AKR1C8: variants seen among roughly 807,000 people sequenced by gnomAD.
AKR1C8 encodes aldo-keto reductase family 1 member C-like protein 1.
chr10:5,138,376 T>C, the AKR1C8 span, among the ~76,000 whole-genome samples: 1 of 152,160 alleles, frequency 6.6e-6, no homozygotes, highest in East Asian at 1.9e-4. Flanking sequence ...CGTCCATTTA[T>C]AGGCTGTTTG....
chr10:5,181,285 TA>T, the AKR1C8 span, among the ~76,000 whole-genome samples: 4 of 152,274 alleles, frequency 2.6e-5, no homozygotes, highest in East Asian at 7.7e-4. Context: ...TTGACATTAA[TA>T]AAAAACTAAT....
the AKR1C8 span, among the ~76,000 whole-genome samples, chr10:5,144,175 G>C: frequency 6.6e-6 from 1 of 152,110 alleles, no homozygotes; most frequent in African/African-American, 2.4e-5. Flanking sequence ...TCAAAGATCA[G>C]ATAGTTGTAG....
the AKR1C8 span, among the ~76,000 whole-genome samples, chr10:5,122,528 C>G: frequency 6.0e-3 from 911 of 152,270 alleles, 5 homozygotes; most frequent in African/African-American, 0.021. Context: ...GCTCTTGTTT[C>G]CCCACTTCCC....
chr10:5,122,752 G>A, the AKR1C8 span, among the ~76,000 whole-genome samples: 13 of 152,246 alleles, frequency 8.5e-5, no homozygotes, highest in Admixed American at 5.2e-4. Context: ...CATGAGGTGA[G>A]CAAGTAGAAC....
chr10:5,121,028 C>T, the AKR1C8 span, among the ~76,000 whole-genome samples: 2 of 151,812 alleles, frequency 1.3e-5, no homozygotes, highest in Non-Finnish European at 2.9e-5. Flanking sequence ...ATATGCTCTA[C>T]AACAATCCAG....
chr10:5,145,755 G>C, the AKR1C8 span, among the ~76,000 whole-genome samples: 1 of 151,758 alleles, frequency 6.6e-6, no homozygotes, highest in East Asian at 1.9e-4. Context: ...TGGTGGGACT[G>C]TCAACTAGTT....
At chr10:5,134,598 G>A in the AKR1C8 span, among the ~76,000 whole-genome samples, 16 of 152,188 alleles carry the variant, frequency 1.1e-4, no homozygotes, top group Admixed American at 9.8e-4. Flanking sequence ...TTTCCTAGAG[G>A]TGAAAGTTGT....
the AKR1C8 span, among the ~76,000 whole-genome samples, chr10:5,135,551 T>TATC: frequency 2.0e-5 from 3 of 151,644 alleles, no homozygotes; most frequent in Admixed American, 6.6e-5. Context: ...ATTATCTATC[T>TATC]ATCTATCATC....
At chr10:5,123,101 A>T in the AKR1C8 span, among the ~76,000 whole-genome samples, 1 of 152,166 alleles carries the variant, frequency 6.6e-6, no homozygotes, top group Non-Finnish European at 1.5e-5. Context: ...CTCTCCACCC[A>T]TGCTGCCTCT....
chr10:5,169,916 T>A, the AKR1C8 span, among the ~76,000 whole-genome samples: 1 of 152,144 alleles, frequency 6.6e-6, no homozygotes, highest in African/African-American at 2.4e-5. Context: ...AGATTTCTTA[T>A]TTGTTGACAA....
the AKR1C8 span, among the ~76,000 whole-genome samples, chr10:5,167,242 T>C: frequency 6.6e-6 from 1 of 152,214 alleles, no homozygotes; most frequent in Non-Finnish European, 1.5e-5. Flanking sequence ...CTCAGGGATC[T>C]AGAACTAGAA....
the AKR1C8 span, among the ~76,000 whole-genome samples, chr10:5,143,552 T>C: frequency 6.6e-6 from 1 of 152,000 alleles, no homozygotes; most frequent in African/African-American, 2.4e-5. Flanking sequence ...GAAAACATAA[T>C]TGAAATGAGG....
At chr10:5,136,404 C>T in the AKR1C8 span, among the ~76,000 whole-genome samples, 9 of 152,104 alleles carry the variant, frequency 5.9e-5, no homozygotes, top group East Asian at 1.6e-3. Flanking sequence ...AAAAATTAGC[C>T]ACGTGTGGTG....
At chr10:5,181,021 C>G in the AKR1C8 span, among the ~76,000 whole-genome samples, 3 of 152,202 alleles carry the variant, frequency 2.0e-5, no homozygotes, top group African/African-American at 7.2e-5. Context: ...CTGGCACTCC[C>G]TTGTGAGATG....
chr10:5,158,828 G>C, the AKR1C8 span: 1 of 402,408 alleles, frequency 2.5e-6, no homozygotes, highest in South Asian at 1.9e-5. Flanking sequence ...TACTTTTCAT[G>C]TTGGCCCTTT....
At chr10:5,164,116 T>C in the AKR1C8 span, among the ~76,000 whole-genome samples, 1 of 152,124 alleles carries the variant, frequency 6.6e-6, no homozygotes, top group Non-Finnish European at 1.5e-5. Context: ...GCCAAGGTCC[T>C]TGGTCAAGCT....
the AKR1C8 span, chr10:5,123,535 C>T: frequency 3.0e-5 from 18 of 601,270 alleles, no homozygotes; most frequent in African/African-American, 1.7e-4. Context: ...TGCACCAGAG[C>T]GTCTCAAGTG....
At chr10:5,120,173 G>A in the AKR1C8 span, among the ~76,000 whole-genome samples, 1 of 152,194 alleles carries the variant, frequency 6.6e-6, no homozygotes, top group Non-Finnish European at 1.5e-5. Context: ...TGTTCCTGCT[G>A]CAGATAACTA....
At chr10:5,132,835 A>C in the AKR1C8 span, 1 of 655,546 alleles carries the variant, frequency 1.5e-6, no homozygotes, top group Non-Finnish European at 2.5e-6. Context: ...AGGCACAAAC[A>C]ATGACCCTCA....
Sources: allele counts gnomAD v4.1 joint callset (sites outside exome capture counted in the v4.1 genomes callset), GRCh38; gene constraint gnomAD v4.1.1; transcripts MANE v1.5; gene names NCBI Gene and HGNC (gene_info 2026-07-23, HGNC 2026-07-21).